RGL1: variants seen among roughly 807,000 people sequenced by gnomAD.
RGL1 encodes ral guanine nucleotide dissociation stimulator-like 1.
RGL1 carries 24 observed loss-of-function variants against 95.2 expected under a neutral mutation model. The ratio of observed to expected loss-of-function variants is 0.25; its 90% CI spans 0.18 to 0.35. RGL1 has a LOEUF of 0.35. Among genes scored for constraint, RGL1 ranks in the 10% least tolerant of loss-of-function variants. RGL1 has a pLI of 1.00. For synonymous variants in RGL1, 329 were observed against 344.9 expected, an observed-to-expected ratio of 0.95 and a Z score of 0.51; for missense variants, 715 against 936.3, an observed-to-expected ratio of 0.76 and a Z score of 3.08.
At chr1:183,716,153 T>C (rs1239387685) in intron 1 of RGL1, among the ~76,000 whole-genome samples, 1 of 152,206 alleles carries the variant, frequency 6.6e-6, no homozygotes, top group Non-Finnish European at 1.5e-5. Context: ...CCCAGCCAAG[T>C]TGACAAATAA....
At chr1:183,699,557 T>C (rs1213008791) in intron 1 of RGL1, among the ~76,000 whole-genome samples, 8 of 152,328 alleles carry the variant, frequency 5.3e-5, no homozygotes, top group Admixed American at 2.0e-4. Flanking sequence ...CTAATAAATA[T>C]GCAGGTTAGG....
rs565861733 is a variant in RGL1, at chr1:183,798,121, A to G, written c.133-8254A>G. 6.6e-5 allele frequency among the ~76,000 whole-genome samples: 10 copies of G among 152,340 alleles called. No individual in the cohort carries two copies. The South Asian group carries it at 1.2e-3, about 19-fold the overall frequency. On this transcript the variant is annotated intron_variant, in intron 2 of 18. Transcript: ENST00000304685. ...AGGTAAGTAGAGGCAATTTGTGCTC[A>G]GTAGTACTAAGGTGTGGAATGGAAA...
At chr1:183,836,041 C>G (rs1220307872) in intron 2 of RGL1, among the ~76,000 whole-genome samples, 1 of 152,206 alleles carries the variant, frequency 6.6e-6, no homozygotes, top group Non-Finnish European at 1.5e-5. Context: ...TGACCCCTTA[C>G]TTCTCCAAAC....
intron 1 of RGL1, among the ~76,000 whole-genome samples, chr1:183,682,022 A>T (rs1484158135): frequency 6.6e-6 from 1 of 152,022 alleles, no homozygotes; most frequent in African/African-American, 2.4e-5. Context: ...TATCCCCTTT[A>T]TCATTTTCTA....
intron 2 of RGL1, among the ~76,000 whole-genome samples, chr1:183,765,443 A>G (rs1288125863): frequency 6.6e-6 from 1 of 152,240 alleles, no homozygotes; most frequent in African/African-American, 2.4e-5. Context: ...AAGGCTATAA[A>G]CAGCTCAAAA....
chr1:183,914,859 G>GA (rs1229279878), intron 15 of RGL1, among the ~76,000 whole-genome samples: 4 of 152,168 alleles, frequency 2.6e-5, no homozygotes, highest in South Asian at 2.1e-4. Flanking sequence ...ACATGAAGGC[G>GA]AAAAAATTGA....
intron 1 of RGL1, among the ~76,000 whole-genome samples, chr1:183,732,690 AC>A (rs1656698110): frequency 6.6e-6 from 1 of 152,162 alleles, no homozygotes; most frequent in Admixed American, 6.6e-5. Context: ...CCTTGGAAAG[AC>A]TGTGATGAAC....
intron 2 of RGL1, among the ~76,000 whole-genome samples, chr1:183,758,833 C>T (rs1010749959): frequency 1.3e-5 from 2 of 152,146 alleles, no homozygotes; most frequent in Admixed American, 6.5e-5. Context: ...AGAGACTGTA[C>T]CTATTTAAAT....
chr1:183,711,471 G>A (rs900689853), intron 1 of RGL1, among the ~76,000 whole-genome samples: 2 of 152,154 alleles, frequency 1.3e-5, no homozygotes, highest in African/African-American at 4.8e-5. Flanking sequence ...AGGTGTTGGG[G>A]GGTGAGGTGA....
intron 2 of RGL1, among the ~76,000 whole-genome samples, chr1:183,769,030 T>C (rs1297212025): frequency 6.6e-6 from 1 of 152,248 alleles, no homozygotes; most frequent in Non-Finnish European, 1.5e-5. Flanking sequence ...AAAATGATTT[T>C]AAGATTTTAA....
At chr1:183,784,801 A>C (rs976483983) in intron 2 of RGL1, among the ~76,000 whole-genome samples, 1 of 152,156 alleles carries the variant, frequency 6.6e-6, no homozygotes, top group African/African-American at 2.4e-5. Flanking sequence ...GATCAATTTG[A>C]TCCTAGTGTG....
intron 1 of RGL1, among the ~76,000 whole-genome samples, chr1:183,654,809 G>C (rs1418125093): frequency 6.6e-6 from 1 of 152,200 alleles, no homozygotes; most frequent in Non-Finnish European, 1.5e-5. Context: ...TTTAGGGATA[G>C]GCAACCCCAA....
chr1:183,649,792 TC>T (rs1650583858), intron 1 of RGL1, among the ~76,000 whole-genome samples: 1 of 152,208 alleles, frequency 6.6e-6, no homozygotes, highest in Non-Finnish European at 1.5e-5. Flanking sequence ...TTATCGTTGT[TC>T]CTATAATGCT....
chr1:183,739,334 AAGGAGGTTGCATTCTACC>A (rs1387294099), intron 1 of RGL1, among the ~76,000 whole-genome samples: 1 of 152,234 alleles, frequency 6.6e-6, no homozygotes, highest in East Asian at 1.9e-4. Context: ...GGAGCATGAG[AAGGAGGTTGCATTCTACC>A]AGCGGCGGGA....
At chr1:183,867,804 G>A (rs911113284) in intron 4 of RGL1, among the ~76,000 whole-genome samples, 2 of 152,080 alleles carry the variant, frequency 1.3e-5, no homozygotes, top group East Asian at 1.9e-4. Context: ...TCATTTTGGG[G>A]CCAAAAGTCT....
intron 2 of RGL1, among the ~76,000 whole-genome samples, chr1:183,828,434 G>C (rs1431331589): frequency 6.6e-6 from 1 of 152,174 alleles, no homozygotes; most frequent in Non-Finnish European, 1.5e-5. Flanking sequence ...CATGTGTGGA[G>C]TGGGGGTAGA....
intron 12 of RGL1, among the ~76,000 whole-genome samples, chr1:183,903,792 G>T (rs1017410774): frequency 6.6e-6 from 1 of 152,154 alleles, no homozygotes; most frequent in Non-Finnish European, 1.5e-5. Flanking sequence ...AACCAAAAAG[G>T]CATAGAGGAG....
chr1:183,668,315 G>C (rs964758730), intron 1 of RGL1, among the ~76,000 whole-genome samples: 1 of 152,046 alleles, frequency 6.6e-6, no homozygotes, highest in African/African-American at 2.4e-5. Flanking sequence ...ATTTCACAGG[G>C]TGTGGAATTC....
At chr1:183,830,573 C>T (rs1433996546) in intron 2 of RGL1, among the ~76,000 whole-genome samples, 1 of 152,016 alleles carries the variant, frequency 6.6e-6, no homozygotes, top group African/African-American at 2.4e-5. Flanking sequence ...GGCCCAGTGG[C>T]ATCTACATCA....
Sources: allele counts gnomAD v4.1 joint callset (sites outside exome capture counted in the v4.1 genomes callset), GRCh38; gene constraint gnomAD v4.1.1; transcripts MANE v1.5; gene names NCBI Gene and HGNC (gene_info 2026-07-23, HGNC 2026-07-21).